USP24: variants seen among roughly 807,000 people sequenced by gnomAD.
USP24 encodes the protein ubiquitin carboxyl-terminal hydrolase 24.
In USP24, 97 loss-of-function variants were observed where a neutral mutation model predicts 361.6. The observed-to-expected ratio is 0.27, with a 90% CI of 0.23 to 0.32. The LOEUF (loss-of-function observed/expected upper bound fraction) is 0.32. USP24 is among the 10% of genes least tolerant of loss of function. The pLI is 1.00. For missense variants in USP24, 2,353 were observed against 3,165.6 expected, an observed-to-expected ratio of 0.74 and a Z score of 6.16; for synonymous variants, 1,098 against 1,124.6, an observed-to-expected ratio of 0.98 and a Z score of 0.47.
chr1:55,141,580 A>G, intron 24 of USP24, 36 bp downstream of exon 24: 6 of 1,527,946 alleles, frequency 3.9e-6, no homozygotes, highest in Non-Finnish European at 4.5e-6. Context: ...AAACTGACAT[A>G]TGTGTGTTGT....
chr1:55,202,467 C>T (rs776152706), intron 1 of USP24, among the ~76,000 whole-genome samples: 6 of 151,538 alleles, frequency 4.0e-5, no homozygotes, highest in African/African-American at 7.3e-5. Context: ...TGCAGTGGTG[C>T]GATCTCGGCT....
chr1:55,080,646 T>C (rs2100425504), intron 59 of USP24, among the ~76,000 whole-genome samples: 1 of 152,312 alleles, frequency 6.6e-6, no homozygotes, highest in South Asian at 2.1e-4. Flanking sequence ...AGCTGGTTTG[T>C]TGTATTATTA....
chr1:55,125,397 A>G lies in USP24; in HGVS notation c.3883T>C (p.Tyr1295His), dbSNP rs779081152. ...CTATCAGACACGGACAACTGTCGGTAGGATGACTTTTCTGGGGTACCACAT... is the reference window on the plus strand; with the variant it reads ...CTATCAGACACGGACAACTGTCGGTGGGATGACTTTTCTGGGGTACCACAT... The part of the protein sequence containing the change: ...SLCGTPEKSS[Y>H]RQLSVSDRSS... Residue 1295 changes from tyrosine to histidine, a missense_variant, in exon 34 of 68, where the codon TAC (tyrosine) becomes CAC (histidine). Around this residue, in one of 8 missense-constraint regions of USP24, gnomAD observed 949 missense variants for 1,280.5 expected, o/e 0.74. Coordinates refer to ENST00000294383, the MANE Select transcript of USP24 (RefSeq NM_015306.3). 6.2e-7 allele frequency: 1 copy of G among 1,614,030 alleles called. No homozygotes were observed. The highest frequency in any genetic ancestry group is 2.2e-5 in the East Asian group (1 of 44,874).
intron 1 of USP24, among the ~76,000 whole-genome samples, chr1:55,183,087 C>T (rs1644024182): frequency 6.6e-6 from 1 of 152,176 alleles, no homozygotes; most frequent in Non-Finnish European, 1.5e-5. Context: ...GACAAGTACA[C>T]TAGACAAATA....
chr1:55,081,362 T>A lies in USP24; in HGVS notation c.7038A>T (p.Leu2346Phe), dbSNP rs1268478377. ...EFGNLHNTVA[L>F]LVLHSDVSSQ... ...ATGAGACATCTGAATGCAAAACAAGTAACGCCACTGTATTGTGAAGATTCC... is the reference window on the plus strand; with the variant it reads ...ATGAGACATCTGAATGCAAAACAAGAAACGCCACTGTATTGTGAAGATTCC... The change falls in exon 59 of 68, where the codon TTA (leucine) becomes TTT (phenylalanine). Residue 2346 changes from leucine (L) to phenylalanine (F), a missense_variant. Leu to Phe is a conservative substitution (Grantham distance 22, BLOSUM62 0). Coordinates refer to ENST00000294383, the MANE Select transcript of USP24 (RefSeq NM_015306.3). The A allele has an allele frequency of 6.2e-7, 1 of 1,613,736 alleles. No homozygotes were observed.
chr1:55,090,319 G>C (rs1055570186), intron 54 of USP24, among the ~76,000 whole-genome samples: 7 of 152,136 alleles, frequency 4.6e-5, no homozygotes, highest in Admixed American at 6.5e-5. Flanking sequence ...GAAATAGTGG[G>C]CCATGTGTAA....
Position 55,071,791 on chromosome 1 carries a change from C to T in USP24, c.7800+23G>A, listed in dbSNP as rs549046317. 4.2e-5 allele frequency: 67 copies of T among 1,597,886 alleles called. 1 individual carries two copies. The South Asian group carries it at 6.0e-4, about 14-fold the overall frequency. On this transcript the variant is annotated intron_variant, in intron 67 of 67. Transcript: ENST00000294383. ...TAAGAGCAAGGCTGCCCTTTGCACA[C>T]AAGGACATGCTGACCGTTATACCTG...
At chr1:55,188,696 C>A (rs1282283830) in intron 1 of USP24, among the ~76,000 whole-genome samples, 1 of 151,940 alleles carries the variant, frequency 6.6e-6, no homozygotes, top group Non-Finnish European at 1.5e-5. Flanking sequence ...TGGTGGGTCA[C>A]ACCTGTAATC....
Position 55,094,689 on chromosome 1 carries a change from C to G in USP24, c.6203+566G>C, listed in dbSNP as rs530142950. On this transcript the variant is annotated intron_variant, in intron 51 of 67. Coordinates refer to ENST00000294383, the MANE Select transcript of USP24 (RefSeq NM_015306.3). ...CAAAAAGTGTATTCAACAAATGCTG[C>G]TAACATTAAAAAAAAAAAAAAAAAA... Among the ~76,000 whole-genome samples, 14 of 114,734 alleles carry G rather than the reference C, an allele frequency of 1.2e-4. No homozygotes were observed. The East Asian group carries it at 3.8e-3, about 31-fold the overall frequency. 75.3% of individuals were successfully genotyped at this position (114,734 alleles called of 152,430 possible).
intron 35 of USP24, 96 bp from the exon 36 acceptor site, chr1:55,123,698 T>C (rs1646346765): frequency 1.6e-6 from 2 of 1,280,946 alleles, no homozygotes; most frequent in African/African-American, 3.1e-5. Context: ...TCATGTGACA[T>C]TAAATACTTC....
intron 1 of USP24, among the ~76,000 whole-genome samples, chr1:55,206,798 A>G (rs1397220195): frequency 2.0e-5 from 3 of 152,164 alleles, no homozygotes; most frequent in Non-Finnish European, 2.9e-5. Context: ...CTAGAATAAC[A>G]CAGACAATTA....
chr1:55,212,949 C>A, intron 1 of USP24, among the ~76,000 whole-genome samples: 1 of 152,178 alleles, frequency 6.6e-6, no homozygotes, highest in East Asian at 1.9e-4. Flanking sequence ...TTTGTACTTA[C>A]ATGTACTGGC....
intron 32 of USP24, among the ~76,000 whole-genome samples, chr1:55,126,519 C>G (rs2100620956): frequency 6.6e-6 from 1 of 152,334 alleles, no homozygotes; most frequent in South Asian, 2.1e-4. Flanking sequence ...TTGGTCTAAT[C>G]TACTCACTGC....
intron 42 of USP24, among the ~76,000 whole-genome samples, chr1:55,102,487 C>T (rs1645659869): frequency 6.6e-6 from 1 of 152,124 alleles, no homozygotes. Context: ...CATGCCATGA[C>T]CAGAATCATG....
intron 65 of USP24, 34 bp downstream of exon 65, chr1:55,072,752 A>C (rs1644946132): frequency 1.3e-6 from 2 of 1,556,554 alleles, no homozygotes; most frequent in South Asian, 1.2e-5. Flanking sequence ...ATTGATTCCT[A>C]TGTTACAGCT....
At position 55,154,275 on chromosome 1, in the gene USP24, T is replaced by C; in HGVS notation, c.1656A>G (p.Leu552=). 1.2e-5 allele frequency: 19 copies of C among 1,609,486 alleles called. No individual in the cohort carries two copies. Among genetic ancestry groups the C allele is most frequent in the Non-Finnish European group, 1.6e-5 (19 of 1,177,590 alleles). The change falls in exon 15 of 68, where the codon TTA becomes TTG. Residue 552 remains leucine (L), a synonymous_variant. Coordinates refer to ENST00000294383, the MANE Select transcript of USP24 (RefSeq NM_015306.3). ...ARFETTSGKV[L]DVLWELAHLP... ...GGTGAGCCAGTTCCCAGAGTACGTCTAAAACCTACAATAATATTACATATG... is the reference window on the plus strand; with the variant it reads ...GGTGAGCCAGTTCCCAGAGTACGTCCAAAACCTACAATAATATTACATATG...
At position 55,123,003 on chromosome 1, in the gene USP24, C is replaced by T. The variant is rs143466949; in HGVS notation, c.4276+444G>A. 3.5e-3 allele frequency among the ~76,000 whole-genome samples: 529 copies of T among 152,168 alleles called. 18 individuals are homozygous for T. Among genetic ancestry groups the T allele is most frequent in the East Asian group, 1.9e-3 (10 of 5,168 alleles). On this transcript the variant is annotated intron_variant, in intron 36 of 67. Transcript: ENST00000294383. ...TAGAGAAGAGATGATAGGACCTGAG[C>T]CCTGGGGTGCTCTCATGTTAGAGAA...
intron 52 of USP24, 96 bp downstream of exon 52, chr1:55,093,841 G>C (rs1402364720): frequency 1.3e-6 from 2 of 1,512,118 alleles, no homozygotes; most frequent in Non-Finnish European, 1.8e-6. Context: ...AGCCCCAGTG[G>C]TACAACTAAT....
At chr1:55,160,369 G>A (rs1036515770) in intron 8 of USP24, among the ~76,000 whole-genome samples, 2 of 152,216 alleles carry the variant, frequency 1.3e-5, no homozygotes, top group African/African-American at 4.8e-5. Flanking sequence ...AATGCCAATT[G>A]TATAGGAAGG....
Sources: gnomAD v4.1 joint callset for allele counts (sites outside exome capture counted in the v4.1 genomes callset) on GRCh38, gnomAD v4.1.1 for gene constraint, gnomAD v4.1.1 regional missense constraint, MANE v1.5 for transcripts, NCBI Gene and HGNC (gene_info 2026-07-23, HGNC 2026-07-21) for gene names.